Variants in PEAK1 observed in about 807,000 individuals in gnomAD.
PEAK1 encodes the protein inactive tyrosine-protein kinase PEAK1.
A neutral mutation model predicts 124.7 loss-of-function variants in PEAK1; 54 were observed. The observed-to-expected ratio is 0.43, with a 90% CI of 0.35 to 0.54. The LOEUF is 0.54. Among genes scored for constraint, PEAK1 ranks in the 20% least tolerant of loss-of-function variants. PEAK1 has a pLI of 0.01. For missense variants in PEAK1, 2,046 were observed against 2,134.5 expected (o/e 0.96, Z 0.82); for synonymous variants, 719 against 760.0 (o/e 0.95, Z 0.89).
chr15:77,221,084 A>G (rs1367208052), intron 6 of PEAK1, among the ~76,000 whole-genome samples: 1 of 152,114 alleles, frequency 6.6e-6, no homozygotes, highest in Non-Finnish European at 1.5e-5. Context: ...AGAAAAAATA[A>G]GTTCGAGTTA....
At chr15:77,409,187 T>C (rs2072190440) in intron 1 of PEAK1, among the ~76,000 whole-genome samples, 1 of 151,706 alleles carries the variant, frequency 6.6e-6, no homozygotes, top group South Asian at 2.1e-4. Context: ...ACAATAAAAG[T>C]GCTCCTGTCA....
intron 8 of PEAK1, among the ~76,000 whole-genome samples, chr15:77,151,936 T>C (rs2054666277): frequency 6.6e-6 from 1 of 151,790 alleles, no homozygotes; most frequent in Admixed American, 6.6e-5. Context: ...CAAAAACCTT[T>C]GTTCTTTTGG....
intron 1 of PEAK1, among the ~76,000 whole-genome samples, chr15:77,398,864 C>G (rs2071119155): frequency 6.6e-6 from 1 of 151,792 alleles, no homozygotes; most frequent in Non-Finnish European, 1.5e-5. Flanking sequence ...TTTGGATAAA[C>G]CTAAAGATTC....
At chr15:77,285,774 G>A (rs372631139) in intron 3 of PEAK1, among the ~76,000 whole-genome samples, 7 of 151,512 alleles carry the variant, frequency 4.6e-5, no homozygotes, top group African/African-American at 1.5e-4. Flanking sequence ...TCTGGCTAGC[G>A]GTCTATTTTG....
chr15:77,191,215 G>A (rs1428841326), intron 6 of PEAK1, among the ~76,000 whole-genome samples: 1 of 152,056 alleles, frequency 6.6e-6, no homozygotes, highest in Admixed American at 6.6e-5. Context: ...TGTTAAAGGA[G>A]TATAATAACT....
At chr15:77,332,200 C>T in intron 2 of PEAK1, 1 of 978,038 alleles carries the variant, frequency 1.0e-6, no homozygotes, top group Non-Finnish European at 1.2e-6. Flanking sequence ...TTTCTCCTCA[C>T]TAACAATGCA....
At chr15:77,206,225 A>G (rs937033996) in intron 6 of PEAK1, among the ~76,000 whole-genome samples, 17 of 140,718 alleles carry the variant, frequency 1.2e-4, no homozygotes, top group African/African-American at 4.5e-4. Flanking sequence ...CCAGTCTATC[A>G]TTGTTGGACA....
Position 77,290,983 on chromosome 15 carries a change from A to G in PEAK1, c.-602-4479T>C, listed in dbSNP as rs373327886. On this transcript the variant is annotated intron_variant, in intron 2 of 9. Coordinates refer to ENST00000682557, the MANE Select transcript of PEAK1 (RefSeq NM_001385026.1). ...AAGCGTTTAACTATATAGCCATATA[A>G]GACAATAACAAAGGCATATTTTCTA... is the stretch of plus-strand genomic sequence containing the variant. 1.4e-4 allele frequency among the ~76,000 whole-genome samples: 21 copies of G among 152,356 alleles called. No individual in the cohort carries two copies. In the East Asian group the frequency reaches 3.9e-3, roughly 28 times the overall value.
chr15:77,133,323 G>A lies in PEAK1; in HGVS notation c.3759C>T (p.Ser1253=). 1.2e-6 allele frequency: 2 copies of A among 1,614,240 alleles called. No individual in the cohort carries two copies. Among genetic ancestry groups the A allele is most frequent in the Non-Finnish European group, 8.5e-7 (1 of 1,180,040 alleles). The change falls in exon 9 of 10, where the codon TCC becomes TCT. Residue 1253 remains serine (S), a synonymous_variant. Transcript: ENST00000682557. This position sits in a 1 kb window ranked among gnomAD's most constrained non-coding sequence, Gnocchi z 4.2. ...IKDRFSNSME[S]LSSRRGPSCR... ...AAGAGGGCCCACGCCGGCTGGAGAG[G>A]GATTCCATGCTGTTGGAAAATCTAT...
At position 77,113,932 on chromosome 15, in the gene PEAK1, C is replaced by A; in HGVS notation, c.*224G>T. On this transcript the variant is annotated 3_prime_UTR_variant, in exon 10 of 10. Transcript: ENST00000682557. The stretch of plus-strand genomic sequence containing the variant: ...TAGAAGGTGTTTCAAGGGAAGGCAA[C>A]TGCAAGTTTGTGCAGCTGAATTTCT... 1.8e-6 allele frequency: 1 copy of A among 551,528 alleles called. No homozygotes were observed. The highest frequency in any genetic ancestry group is 3.2e-6 in the Non-Finnish European group (1 of 312,870). The allele number at this position is 551,528 out of a possible 1,614,324, so 34.2% of individuals were successfully genotyped here. A position where few individuals can be genotyped will look rare whatever the true frequency, so the allele number is the denominator to read the frequency against.
intron 8 of PEAK1, among the ~76,000 whole-genome samples, chr15:77,151,587 T>C (rs1235214851): frequency 3.3e-5 from 5 of 152,212 alleles, no homozygotes; most frequent in Non-Finnish European, 5.9e-5. Flanking sequence ...TCCTTACCCA[T>C]GCCTATGTCC....
At chr15:77,134,057 T>C (rs2152742675) in intron 8 of PEAK1, among the ~76,000 whole-genome samples, 1 of 152,228 alleles carries the variant, frequency 6.6e-6, no homozygotes, top group African/African-American at 2.4e-5. Flanking sequence ...CCCTTCAGAG[T>C]GCTATATATT....
At position 77,319,254 on chromosome 15, in the gene PEAK1, A is replaced by T. The variant is rs917525174; in HGVS notation, c.-602-32750T>A. Among the ~76,000 whole-genome samples, 357 of 141,828 alleles carry T rather than the reference A, an allele frequency of 2.5e-3. 1 individual carries two copies. Among genetic ancestry groups the T allele is most frequent in the African/African-American group, 8.7e-3 (339 of 38,922 alleles). The allele number at this position is 141,828 out of a possible 152,430, so 93.0% of individuals were successfully genotyped here. ...AAATAATTTGCCCCAAATGTAGTTT[A>T]AAAAAAAAAAAAAGCGTGCCCTAGC... On this transcript the variant is annotated intron_variant, in intron 2 of 9. Coordinates refer to ENST00000682557, the MANE Select transcript of PEAK1 (RefSeq NM_001385026.1).
chr15:77,348,550 T>G, intron 2 of PEAK1: 1 of 965,504 alleles, frequency 1.0e-6, no homozygotes, highest in South Asian at 4.8e-5. Context: ...AATAAAAGCT[T>G]GGCAAGCTTA....
At chr15:77,330,845 C>G (rs1280753933) in intron 2 of PEAK1, 1 of 165,174 alleles carries the variant, frequency 6.1e-6, no homozygotes, top group East Asian at 1.9e-4. Flanking sequence ...TGTTCTCTCT[C>G]TACTAACTAG....
chr15:77,323,658 TC>T (rs1196644996), intron 2 of PEAK1, among the ~76,000 whole-genome samples: 1 of 152,038 alleles, frequency 6.6e-6, no homozygotes, highest in Non-Finnish European at 1.5e-5. Flanking sequence ...GGAAGAACAT[TC>T]CATGCTCATG....
intron 6 of PEAK1, among the ~76,000 whole-genome samples, chr15:77,204,080 A>T (rs1374001465): frequency 6.6e-6 from 1 of 152,180 alleles, no homozygotes; most frequent in Non-Finnish European, 1.5e-5. Flanking sequence ...GAAAATGAAC[A>T]ACCAATTTAA....
chr15:77,343,801 T>C (rs914166493), intron 2 of PEAK1, among the ~76,000 whole-genome samples: 1 of 152,118 alleles, frequency 6.6e-6, no homozygotes. Flanking sequence ...ATTTTTTCTT[T>C]TGTTACCTGT....
rs142681737 is a variant in PEAK1 at position 77,140,640 on chromosome 15, T to C, written c.3332-6890A>G. Among the ~76,000 whole-genome samples, 785 of 152,184 alleles carry C rather than the reference T, an allele frequency of 5.2e-3. 5 individuals carry two copies. Among genetic ancestry groups the C allele is most frequent in the African/African-American group, 0.018 (734 of 41,540 alleles). On this transcript the variant is annotated intron_variant, in intron 8 of 9. Transcript: ENST00000682557. ...CATCTTTGTAAAAGAGCTAACATCA[T>C]ACTTAATGATAAAAGACTGGAAATT... is the stretch of plus-strand genomic sequence containing the variant.
Sources: allele counts gnomAD v4.1 joint callset (sites outside exome capture counted in the v4.1 genomes callset), GRCh38; gene constraint gnomAD v4.1.1; non-coding constraint Gnocchi (gnomAD v3.1); transcripts MANE v1.5; gene names NCBI Gene and HGNC (gene_info 2026-07-23, HGNC 2026-07-21).